The following ANKRD30A variants were observed in gnomAD, a reference collection of about 807,000 sequenced individuals.
ANKRD30A encodes the protein ankyrin repeat domain 30A.
ANKRD30A carries 170 observed loss-of-function variants against 166.3 expected under a neutral mutation model. The ratio of observed to expected loss-of-function variants is 1.02; its 90% CI spans 0.90 to 1.16. The LOEUF is 1.16. ANKRD30A is among the 50% of genes most tolerant of loss of function. The probability of loss-of-function intolerance (pLI) is 0.00; values close to 1 mark genes in which losing one functional copy is unlikely to be tolerated. For missense variants in ANKRD30A, 1,630 were observed against 1,518.0 expected, an observed-to-expected ratio of 1.07 and a Z score of -1.23; for synonymous variants, 564 against 508.9, an observed-to-expected ratio of 1.11 and a Z score of -1.46.
chr10:37,193,872 C>G lies in ANKRD30A; in HGVS notation c.2614+614C>G, dbSNP rs1440789660. ...AGGTACAAAAGAGCCTGAATTAGTT[C>G]TTGTTGTCATTCCCGTGAACGTTTA... On this transcript the variant is annotated intron_variant, in intron 27 of 35. Transcript: ENST00000361713. Among the ~76,000 whole-genome samples the G allele has an allele frequency of 2.0e-5, 3 of 151,494 alleles. No homozygotes were observed. The South Asian group carries it at 6.3e-4, about 32-fold the overall frequency.
chr10:37,142,329 C>A, intron 7 of ANKRD30A, 39 bp downstream of exon 7: 1 of 1,525,428 alleles, frequency 6.6e-7, no homozygotes, highest in Non-Finnish European at 8.8e-7. Flanking sequence ...TTTATTGGCA[C>A]TTCAGGTTCC....
At chr10:37,193,042 A>C in intron 25 of ANKRD30A, 22 bp from the exon 26 acceptor site, 1 of 1,606,176 alleles carries the variant, frequency 6.2e-7, no homozygotes, top group Non-Finnish European at 8.5e-7. Context: ...ACAATAAATT[A>C]TATATGTCCC....
chr10:37,190,619 G>A (rs1400465986), intron 25 of ANKRD30A, among the ~76,000 whole-genome samples: 1 of 151,756 alleles, frequency 6.6e-6, no homozygotes, highest in East Asian at 1.9e-4. Flanking sequence ...CAGGGGACAA[G>A]AGAGAATCCA....
intron 24 of ANKRD30A, among the ~76,000 whole-genome samples, chr10:37,178,225 C>G (rs1475508168): frequency 6.6e-6 from 1 of 151,260 alleles, no homozygotes; most frequent in Non-Finnish European, 1.5e-5. Context: ...TATTCTGACT[C>G]TTAATGTCTT....
intron 4 of ANKRD30A, among the ~76,000 whole-genome samples, chr10:37,133,435 G>C (rs1275685927): frequency 6.6e-6 from 1 of 152,118 alleles, no homozygotes; most frequent in Non-Finnish European, 1.5e-5. Flanking sequence ...TTGTGTTGAA[G>C]TAACATTATG....
intron 7 of ANKRD30A, among the ~76,000 whole-genome samples, chr10:37,142,570 CTTTTTTTTT>C (rs869026268): frequency 1.3e-5 from 1 of 78,962 alleles, no homozygotes; most frequent in Non-Finnish European, 2.3e-5. Context: ...TAGGATCACA[CTTTTTTTTT>C]TTTTTTTTTT....
At chr10:37,217,572 GA>G (rs1228165407) in intron 32 of ANKRD30A, 122 bp from the exon 33 acceptor site, 7 of 751,878 alleles carry the variant, frequency 9.3e-6, no homozygotes, top group East Asian at 6.7e-5. Flanking sequence ...GAACTAGGAA[GA>G]AAAAAATTCA....
the ANKRD30A span, among the ~76,000 whole-genome samples, chr10:37,251,579 C>T: frequency 2.0e-3 from 307 of 152,202 alleles, no homozygotes; most frequent in Non-Finnish European, 2.5e-3. Context: ...TTCATTTCTT[C>T]CTTTGATACT....
At chr10:37,165,580 T>G (rs373492014) in intron 18 of ANKRD30A, among the ~76,000 whole-genome samples, 3,525 of 139,358 alleles carry the variant, frequency 0.025, 47 homozygotes, top group Admixed American at 0.029. Flanking sequence ...GACCTGAAAA[T>G]TTAATGCCTG....
intron 30 of ANKRD30A, among the ~76,000 whole-genome samples, chr10:37,200,372 A>G (rs142334328): frequency 0.011 from 1,722 of 152,134 alleles, 15 homozygotes; most frequent in Middle Eastern, 0.054. Flanking sequence ...TATAAATTAT[A>G]TTTTCACAAA....
At chr10:37,245,163 T>A in the ANKRD30A span, among the ~76,000 whole-genome samples, 2 of 152,206 alleles carry the variant, frequency 1.3e-5, no homozygotes, top group Non-Finnish European at 2.9e-5. Flanking sequence ...TTGCCTAGTT[T>A]AACATCTATA....
At position 37,205,757 on chromosome 10, in the gene ANKRD30A, G is replaced by T. The variant is rs527390290; in HGVS notation, c.2869+4432G>T. 6.8e-4 allele frequency among the ~76,000 whole-genome samples: 104 copies of T among 152,274 alleles called. 2 individuals carry two copies. The highest frequency in any genetic ancestry group is 6.0e-3 in the South Asian group (29 of 4,824). ...ATATTTTTTCAGTATTGTCTAGAAG[G>T]TTTCAAACTTTAAGAAATGAGCTAT... On this transcript the variant is annotated intron_variant, in intron 31 of 35. Transcript: ENST00000361713.
At chr10:37,237,354 T>TA (rs1418624797), downstream of ANKRD30A, among the ~76,000 whole-genome samples, 1 of 152,308 alleles carries the variant, frequency 6.6e-6, no homozygotes, top group East Asian at 1.9e-4. Flanking sequence ...GAACTTTTTT[T>TA]AAAAACAGTT....
At chr10:37,153,183 T>A (rs554136398) in intron 12 of ANKRD30A, among the ~76,000 whole-genome samples, 1 of 152,320 alleles carries the variant, frequency 6.6e-6, no homozygotes, top group South Asian at 2.1e-4. Flanking sequence ...TTTAATGCTG[T>A]ATGTGTCCTG....
In ANKRD30A at chr10:37,165,125, G is replaced by A. The variant is rs866879335; in HGVS notation, c.2034G>A (p.Lys678=). 2.5e-6 allele frequency: 4 copies of A among 1,609,150 alleles called. No individual in the cohort carries two copies. The Middle Eastern group carries it at 6.6e-4, about 267-fold the overall frequency. Residue 678 remains lysine (K), a synonymous_variant, in exon 18 of 36, where the codon AAG becomes AAA. Coordinates refer to ENST00000361713, the MANE Select transcript of ANKRD30A (RefSeq NM_052997.3). Reference sequence around the variant, plus strand: ...TACTCCCATCAGAATCCAAACAAAAGGACTATGAAGAAAATTCTTGGGATA... The same window carrying A: ...TACTCCCATCAGAATCCAAACAAAAAGACTATGAAGAAAATTCTTGGGATA... ...DEILPSESKQ[K]DYEENSWDTE... is the part of the protein sequence containing the mutation.
the ANKRD30A span, among the ~76,000 whole-genome samples, chr10:37,264,883 C>T: frequency 6.6e-6 from 1 of 152,186 alleles, no homozygotes; most frequent in African/African-American, 2.4e-5. Flanking sequence ...AATCCCCTTA[C>T]TTACCTGGCA....
chr10:37,206,931 T>G (rs1461704305), intron 31 of ANKRD30A, among the ~76,000 whole-genome samples: 3 of 152,182 alleles, frequency 2.0e-5, no homozygotes, highest in Non-Finnish European at 4.4e-5. Context: ...ATTATACTGA[T>G]TTCAAAATAA....
chr10:37,166,974 T>C (rs1839403586), intron 19 of ANKRD30A, among the ~76,000 whole-genome samples: 1 of 151,788 alleles, frequency 6.6e-6, no homozygotes, highest in Admixed American at 6.6e-5. Flanking sequence ...ATAGAGTAAA[T>C]GAAGACTGAG....
At chr10:37,220,079 G>GA (rs1842834967) in intron 34 of ANKRD30A, among the ~76,000 whole-genome samples, 182 bp downstream of exon 34, 1 of 143,418 alleles carries the variant, frequency 7.0e-6, no homozygotes, top group South Asian at 2.1e-4. Context: ...TATCAGCTTA[G>GA]AAACATGCCT....
Sources: gnomAD v4.1 joint callset for allele counts (sites outside exome capture counted in the v4.1 genomes callset) on GRCh38, gnomAD v4.1.1 for gene constraint, MANE v1.5 for transcripts, NCBI Gene and HGNC (gene_info 2026-07-23, HGNC 2026-07-21) for gene names.